PHF1: variants seen among roughly 807,000 people sequenced by gnomAD.
PHF1 encodes the protein polycomb-like 1.
Under a neutral mutation model 69.4 loss-of-function variants are expected in PHF1, and 16 were observed. That is an observed-to-expected ratio of 0.23 (90% CI 0.16 to 0.35). The LOEUF (loss-of-function observed/expected upper bound fraction) is 0.35. PHF1 is among the 10% of genes least tolerant of loss of function. The pLI is 1.00. For synonymous variants in PHF1, 274 were observed against 275.0 expected, an observed-to-expected ratio of 1.00 and a Z score of 0.04; for missense variants, 515 against 732.8, an observed-to-expected ratio of 0.70 and a Z score of 3.43.
chr6:33,413,917 C>A (rs1776256240), intron 7 of PHF1, 86 bp downstream of exon 7: 1 of 1,522,210 alleles, frequency 6.6e-7, no homozygotes, highest in South Asian at 1.1e-5. Flanking sequence ...CTTCTCCACT[C>A]CAGTCTCTTC....
At position 33,414,139 on chromosome 6, in the gene PHF1, A is replaced by G; in HGVS notation, c.752+30A>G. The G allele has an allele frequency of 1.2e-6, 2 of 1,613,958 alleles. No homozygotes were observed. The highest frequency in any genetic ancestry group is 1.7e-6 in the Non-Finnish European group (2 of 1,179,950). ...GCTGGATTGGGCATGACCTCAGTGTAACTCCACACCACAGTATTTCACTCT... is the reference window on the plus strand; with the variant it reads ...GCTGGATTGGGCATGACCTCAGTGTGACTCCACACCACAGTATTTCACTCT... On this transcript the variant is annotated intron_variant, in intron 8 of 14. Coordinates refer to ENST00000374516, the MANE Select transcript of PHF1 (RefSeq NM_024165.3). This position sits in a 1 kb window ranked among gnomAD's most constrained non-coding sequence, Gnocchi z 5.0.
Position 33,414,586 on chromosome 6 carries a change from G to C in PHF1, c.944+42G>C. The C allele has an allele frequency of 1.2e-6, 2 of 1,603,476 alleles. No homozygotes were observed. The highest frequency in any genetic ancestry group is 1.1e-5 in the South Asian group (1 of 90,818). On this transcript the variant is annotated intron_variant, in intron 10 of 14. Transcript: ENST00000374516. This position sits in a 1 kb window ranked among gnomAD's most constrained non-coding sequence, Gnocchi z 5.0. ...AGGAGGCAAGGATGAGGCTCGGAAA[G>C]AGATGGAGAGTGGAAGCCTGGAAGG... is the stretch of plus-strand genomic sequence containing the variant.
In PHF1 at chr6:33,412,007, C is replaced by T. The variant is rs1776099881; in HGVS notation, c.-16-241C>T. On this transcript the variant is annotated intron_variant, in intron 1 of 14. Coordinates refer to ENST00000374516, the MANE Select transcript of PHF1 (RefSeq NM_024165.3). The surrounding 1 kb of genome is among the most constrained non-coding windows in gnomAD (Gnocchi z 4.2). ...CAACACCTCATCTCTACTAAAAATA[C>T]AAAAATTAGCCAGGCATGGTGGCAT... is the stretch of plus-strand genomic sequence containing the variant. Among the ~76,000 whole-genome samples, 1 of 152,056 alleles carries T rather than the reference C, an allele frequency of 6.6e-6. No homozygotes were observed. Among genetic ancestry groups the T allele is most frequent in the Non-Finnish European group, 1.5e-5 (1 of 67,998 alleles).
Position 33,416,330 on chromosome 6 carries a change from C to A in PHF1, c.*232C>A. On this transcript the variant is annotated 3_prime_UTR_variant, in exon 15 of 15. Transcript: ENST00000374516. ...TTCCTTTGATGTTATTTTGTTACAG[C>A]TTTTTAAATATTTTTTAAAATTATT... 2.1e-6 allele frequency: 1 copy of A among 473,046 alleles called. No homozygotes were observed. Among genetic ancestry groups the A allele is most frequent in the Non-Finnish European group, 3.7e-6 (1 of 269,522 alleles). The allele number at this position is 473,046 out of a possible 1,614,324, so 29.3% of individuals were successfully genotyped here.
At position 33,415,032 on chromosome 6, in the gene PHF1, T is replaced by C; in HGVS notation, c.1127T>C (p.Leu376Pro). ...GKRRRPEPEPLRRRQKGKVEE... is the reference protein window; with the variant it reads ...GKRRRPEPEPPRRRQKGKVEE... ...CGCCGGAGGCCGGAGCCAGAGCCCC[T>C]GAGGAGGAGGCAGAAGGGGAAAGTG... The change falls in exon 12 of 15, where the codon CTG (leucine) becomes CCG (proline). Residue 376 changes from leucine to proline, a missense_variant. This residue lies in a region of PHF1 where 274 missense variants were observed against 304.5 expected (regional missense o/e 0.90). Transcript: ENST00000374516. 1 of 1,586,196 alleles carries C rather than the reference T, an allele frequency of 6.3e-7. No individual in the cohort carries two copies. Among genetic ancestry groups the C allele is most frequent in the Non-Finnish European group, 8.6e-7 (1 of 1,166,714 alleles).
chr6:33,413,803 C>T lies in PHF1; in HGVS notation c.655C>T (p.Leu219=). The part of the protein sequence containing the change: ...QWFHEACTQC[L]SKPLLYGDRF... ...GTTCCATGAGGCCTGCACCCAGTGT[C>T]TGAGCAAGCCCCTCCTCTATGGGGA... The change falls in exon 7 of 15, where the codon CTG becomes TTG. Residue 219 remains leucine, a synonymous_variant. Coordinates refer to ENST00000374516, the MANE Select transcript of PHF1 (RefSeq NM_024165.3). 1 of 1,613,890 alleles carries T rather than the reference C, an allele frequency of 6.2e-7. No individual in the cohort carries two copies. The highest frequency in any genetic ancestry group is 8.5e-7 in the Non-Finnish European group (1 of 1,179,962).
At position 33,412,342 on chromosome 6, in the gene PHF1, C is replaced by G. The variant is rs866890619; in HGVS notation, c.79C>G (p.Pro27Ala). 2 of 1,614,214 alleles carry G rather than the reference C, an allele frequency of 1.2e-6. No individual in the cohort carries two copies. Among genetic ancestry groups the G allele is most frequent in the African/African-American group, 2.7e-5 (2 of 75,056 alleles). The change falls in exon 2 of 15, where the codon CCC becomes GCC. Residue 27 changes from proline to alanine, a missense_variant. By Grantham distance (27) the Pro-to-Ala change is conservative. Coordinates refer to ENST00000374516, the MANE Select transcript of PHF1 (RefSeq NM_024165.3). This position sits in a 1 kb window ranked among gnomAD's most constrained non-coding sequence, Gnocchi z 4.2. ...DPASPAPTSG[P>A]RPRLWEGQDV... is the part of the protein sequence containing the mutation. ...AGCTTCTCCTGCTCCCACCTCTGGC[C>G]CCAGGCCTCGGCTTTGGGAGGGTCA...
Position 33,416,195 on chromosome 6 carries a change from AG to A in PHF1, c.*102del, listed in dbSNP as rs954260976. 1.4e-5 allele frequency: 16 copies of A among 1,122,944 alleles called. No homozygotes were observed. In the African/African-American group the frequency reaches 2.3e-4, roughly 16 times the overall value. The allele number at this position is 1,122,944 out of a possible 1,614,324, so 69.6% of individuals were successfully genotyped here. On this transcript the variant is annotated 3_prime_UTR_variant, in exon 15 of 15. Transcript: ENST00000374516. ...ACAGCTGGGATGTACCTGGAGAGAT[AG>A]GGGGTAGTTCTCCCTACTGCCCAGG...
intron 4 of PHF1, 102 bp from the exon 5 acceptor site, chr6:33,413,094 A>G (rs1302551301): frequency 9.4e-7 from 1 of 1,067,792 alleles, no homozygotes; most frequent in African/African-American, 1.5e-5. Flanking sequence ...CCCCCTCATC[A>G]AGACCATGGT....
At position 33,416,017 on chromosome 6, in the gene PHF1, T is replaced by C. The variant is rs1776448281; in HGVS notation, c.1623T>C (p.Pro541=). The C allele has an allele frequency of 1.2e-6, 2 of 1,612,866 alleles. No homozygotes were observed. The highest frequency in any genetic ancestry group is 2.2e-5 in the East Asian group (1 of 44,878). ...GGVGYLSRGD[P]VRVLARRVRP... The stretch of plus-strand genomic sequence containing the variant: ...TTGGTTACCTGTCCCGAGGGGACCC[T>C]GTCCGGGTCCTTGCTCGGAGAGTAC... The change falls in exon 15 of 15, where the codon CCT becomes CCC. Residue 541 remains proline, a synonymous_variant. Transcript: ENST00000374516.
rs372713329 is a variant in PHF1 at position 33,413,391 on chromosome 6, C to T, written c.439-18C>T. 1.2e-5 allele frequency: 20 copies of T among 1,613,886 alleles called. No homozygotes were observed. In the African/African-American group the frequency reaches 1.5e-4, roughly 12 times the overall value. On this transcript the variant is annotated intron_variant, in intron 5 of 14. Transcript: ENST00000374516. Reference sequence around the variant, plus strand: ...CTCCCCACCCCTCTGAAGCCACCCACCTGTCCTGTCTCTGCAGAGGGGAGG... The same window carrying T: ...CTCCCCACCCCTCTGAAGCCACCCATCTGTCCTGTCTCTGCAGAGGGGAGG...
intron 1 of PHF1, among the ~76,000 whole-genome samples, chr6:33,411,604 C>T (rs1444759297): frequency 6.6e-6 from 1 of 151,952 alleles, no homozygotes; most frequent in Non-Finnish European, 1.5e-5. Context: ...ACTGAGTAGC[C>T]TTTGCTTCTA....
At chr6:33,410,973 C>CCA (rs1775999646), upstream of PHF1, 3 of 149,376 alleles carry the variant, frequency 2.0e-5, no homozygotes, top group South Asian at 6.4e-4. Flanking sequence ...CCCTCCCCCC[C>CCA]AACCGGTCCG....
In PHF1 at chr6:33,412,894, C is replaced by A; in HGVS notation, c.337+101C>A. 9.9e-7 allele frequency: 1 copy of A among 1,009,996 alleles called. No individual in the cohort carries two copies. 62.6% of individuals were successfully genotyped at this position (1,009,996 alleles called of 1,614,324 possible). Reference sequence around the variant, plus strand: ...TTAGTCCCCAAGCCACTGCTCTGGCCAGGCTGCTTAGCCTTATCTTAGTCC... The same window carrying A: ...TTAGTCCCCAAGCCACTGCTCTGGCAAGGCTGCTTAGCCTTATCTTAGTCC... On this transcript the variant is annotated intron_variant, in intron 4 of 14. Transcript: ENST00000374516. The surrounding 1 kb of genome is among the most constrained non-coding windows in gnomAD (Gnocchi z 4.2).
chr6:33,413,811 G>A lies in PHF1; in HGVS notation c.663G>A (p.Lys221=), dbSNP rs750254835. Residue 221 remains lysine, a synonymous_variant, in exon 7 of 15, where the codon AAG becomes AAA. Transcript: ENST00000374516. ...AGGCCTGCACCCAGTGTCTGAGCAA[G>A]CCCCTCCTCTATGGGGACAGGTGAG... ...FHEACTQCLS[K]PLLYGDRFYE... 2 of 1,613,736 alleles carry A rather than the reference G, an allele frequency of 1.2e-6. No individual in the cohort carries two copies. Among genetic ancestry groups the A allele is most frequent in the South Asian group, 2.2e-5 (2 of 91,068 alleles).
chr6:33,412,196 G>A lies in PHF1; in HGVS notation c.-16-52G>A. Reference sequence around the variant, plus strand: ...AAAAAAAAAAGAAAAAGAAAATGGGGAAGGTTTCTCAGCATTCATAACCTT... The same window carrying A: ...AAAAAAAAAAGAAAAAGAAAATGGGAAAGGTTTCTCAGCATTCATAACCTT... On this transcript the variant is annotated intron_variant, in intron 1 of 14. Transcript: ENST00000374516. This position sits in a 1 kb window ranked among gnomAD's most constrained non-coding sequence, Gnocchi z 4.2. The A allele has an allele frequency of 8.0e-7, 1 of 1,256,692 alleles. No homozygotes were observed. The allele number at this position is 1,256,692 out of a possible 1,614,324, so 77.8% of individuals were successfully genotyped here. A position where few individuals can be genotyped will look rare whatever the true frequency, so the allele number is the denominator to read the frequency against.
chr6:33,413,518 A>G lies in PHF1; in HGVS notation c.548A>G (p.Asn183Ser), dbSNP rs763779171. The part of the protein sequence containing the change: ...GLDWDAGHLS[N>S]RQQSYCYCGG... ...GACTGGGATGCTGGACATCTGAGCA[A>G]CCGACAGCAGAGTTACTGTTACTGT... Residue 183 changes from asparagine (N) to serine (S), a missense_variant, in exon 6 of 15, where the codon AAC (asparagine) becomes AGC (serine). By Grantham distance (46) the Asn-to-Ser change is conservative. Around this residue, in one of 5 missense-constraint regions of PHF1, gnomAD observed 142 missense variants for 309.7 expected, o/e 0.46. Transcript: ENST00000374516. The G allele has an allele frequency of 6.2e-7, 1 of 1,614,220 alleles. No homozygotes were observed. The highest frequency in any genetic ancestry group is 8.5e-7 in the Non-Finnish European group (1 of 1,180,042).
At position 33,412,243 on chromosome 6, in the gene PHF1, G is replaced by A. The variant is rs1348956442; in HGVS notation, c.-16-5G>A. The A allele has an allele frequency of 1.9e-6, 3 of 1,597,760 alleles. No homozygotes were observed. In the East Asian group the frequency reaches 6.7e-5, roughly 36 times the overall value. ...CCTTCTCCTCCCCATTTCTTTTCTG[G>A]CTAGGCCCCCCCAGGATGCAATGGC... is the stretch of plus-strand genomic sequence containing the variant. On this transcript the variant is annotated splice_polypyrimidine_tract_variant and splice_region_variant and intron_variant, in intron 1 of 14. Transcript: ENST00000374516. The surrounding 1 kb of genome is among the most constrained non-coding windows in gnomAD (Gnocchi z 4.2).
At position 33,413,845 on chromosome 6, in the gene PHF1, A is replaced by T. The variant is rs753802434; in HGVS notation, c.683+14A>T. 6.2e-7 allele frequency: 1 copy of T among 1,608,610 alleles called. No individual in the cohort carries two copies. Among genetic ancestry groups the T allele is most frequent in the South Asian group, 1.1e-5 (1 of 90,916 alleles). ...CTATGGGGACAGGTGAGACCAAGGCAGACTCTCTAGGAGCCAAGGATGCCC... is the reference window on the plus strand; with the variant it reads ...CTATGGGGACAGGTGAGACCAAGGCTGACTCTCTAGGAGCCAAGGATGCCC... On this transcript the variant is annotated intron_variant, in intron 7 of 14. Transcript: ENST00000374516.
Sources: gnomAD v4.1 joint callset for allele counts (sites outside exome capture counted in the v4.1 genomes callset) on GRCh38, gnomAD v4.1.1 for gene constraint, gnomAD v4.1.1 regional missense constraint, Gnocchi (gnomAD v3.1) non-coding constraint, MANE v1.5 for transcripts, NCBI Gene and HGNC (gene_info 2026-07-23, HGNC 2026-07-21) for gene names.